Variants in ZMYND11 observed in about 807,000 individuals in gnomAD.
The protein encoded by ZMYND11 is zinc finger MYND domain-containing protein 11.
In ZMYND11, 9 loss-of-function variants were observed where a neutral mutation model predicts 84.9. The observed-to-expected ratio is 0.11, with a 90% confidence interval of 0.06 to 0.18. ZMYND11 has a LOEUF of 0.18. Among genes scored for constraint, ZMYND11 ranks in the 10% least tolerant of loss-of-function variants. The probability of loss-of-function intolerance (pLI) is 1.00; values close to 1 mark genes in which losing one functional copy is unlikely to be tolerated. For synonymous variants in ZMYND11, 250 were observed against 244.1 expected, an observed-to-expected ratio of 1.02 and a Z score of -0.23; for missense variants, 409 against 761.0, an observed-to-expected ratio of 0.54 and a Z score of 5.44.
At chr10:202,266 G>T (rs1054040186) in intron 2 of ZMYND11, among the ~76,000 whole-genome samples, 1 of 151,958 alleles carries the variant, frequency 6.6e-6, no homozygotes, top group Non-Finnish European at 1.5e-5. Context: ...GTTCTGGCTC[G>T]GTTCTAACCT....
intron 4 of ZMYND11, among the ~76,000 whole-genome samples, chr10:232,431 C>G (rs1232265724): frequency 6.6e-6 from 1 of 152,206 alleles, no homozygotes; most frequent in African/African-American, 2.4e-5. Flanking sequence ...GTGAAAGCAT[C>G]TTACAGCAAA....
chr10:146,056 A>C (rs1838750345), intron 1 of ZMYND11, among the ~76,000 whole-genome samples: 1 of 152,096 alleles, frequency 6.6e-6, no homozygotes, highest in Non-Finnish European at 1.5e-5. Context: ...TGATTTTTGT[A>C]TAAGGTGGGA....
chr10:235,986 A>G (rs557128312), intron 4 of ZMYND11, among the ~76,000 whole-genome samples: 13 of 152,326 alleles, frequency 8.5e-5, no homozygotes, highest in South Asian at 2.1e-4. Context: ...GTGACTTCCT[A>G]TGCTTACAGT....
At chr10:160,988 G>A (rs1235505621) in intron 1 of ZMYND11, among the ~76,000 whole-genome samples, 2 of 132,276 alleles carry the variant, frequency 1.5e-5, no homozygotes, top group South Asian at 4.5e-4. Flanking sequence ...TTGAGACAGG[G>A]TCGTGCTCTG....
At chr10:210,101 CATT>C (rs1944925060) in intron 3 of ZMYND11, 53 bp downstream of exon 3, 2 of 1,576,182 alleles carry the variant, frequency 1.3e-6, no homozygotes, top group Admixed American at 3.5e-5. Flanking sequence ...AGCTTTTAAA[CATT>C]ATTTAGATAC....
At chr10:239,674 A>T (rs992925020) in intron 7 of ZMYND11, 149 bp downstream of exon 7, 8 of 674,258 alleles carry the variant, frequency 1.2e-5, no homozygotes, top group Non-Finnish European at 1.5e-5. Flanking sequence ...ATATCTGGTG[A>T]TATAGATTAT....
intron 2 of ZMYND11, among the ~76,000 whole-genome samples, chr10:181,694 T>C (rs1478133477): frequency 6.6e-6 from 1 of 152,140 alleles, no homozygotes; most frequent in Non-Finnish European, 1.5e-5. Flanking sequence ...TGAGGATATA[T>C]GTGGCTCCAA....
intron 2 of ZMYND11, among the ~76,000 whole-genome samples, chr10:191,859 GTTA>G (rs1264257567): frequency 6.6e-6 from 1 of 152,104 alleles, no homozygotes; most frequent in Non-Finnish European, 1.5e-5. Flanking sequence ...GCCACCGTAA[GTTA>G]TTATCTGTAG....
intron 1 of ZMYND11, among the ~76,000 whole-genome samples, chr10:145,248 A>G (rs559332592): frequency 1.7e-4 from 26 of 150,298 alleles, no homozygotes; most frequent in Middle Eastern, 3.6e-3. Flanking sequence ...GTGTGTATGT[A>G]TATATATATA....
Position 135,759 on chromosome 10 carries a change from G to A in ZMYND11, c.-20+200G>A, listed in dbSNP as rs1835841972. ...GATGGCGGGGCGGGCCGGGCCGGCG[G>A]GGCCTGCGAGGGCGGCGGCGGGGCC... On this transcript the variant is annotated intron_variant, in intron 1 of 14. Transcript: ENST00000381604. The surrounding 1 kb of genome is among the most constrained non-coding windows in gnomAD (Gnocchi z 5.6). 6.8e-6 allele frequency among the ~76,000 whole-genome samples: 1 copy of A among 147,876 alleles called. No homozygotes were observed. The highest frequency in any genetic ancestry group is 6.7e-5 in the Admixed American group (1 of 14,824).
chr10:216,213 C>T (rs1263024578), intron 3 of ZMYND11, among the ~76,000 whole-genome samples: 3 of 152,164 alleles, frequency 2.0e-5, no homozygotes, highest in African/African-American at 7.2e-5. Context: ...GCAGGGGCGC[C>T]CTTGCGTTGT....
intron 4 of ZMYND11, among the ~76,000 whole-genome samples, chr10:236,124 G>A (rs544176481): frequency 1.2e-3 from 190 of 152,320 alleles, no homozygotes; most frequent in African/African-American, 4.2e-3. Context: ...TGATGTTCGC[G>A]TGCCTGGAGT....
chr10:164,557 G>T (rs1843581165), intron 1 of ZMYND11, among the ~76,000 whole-genome samples: 1 of 152,164 alleles, frequency 6.6e-6, no homozygotes, highest in African/African-American at 2.4e-5. Flanking sequence ...GAAAAAGAAA[G>T]CATAGCAAAT....
intron 2 of ZMYND11, among the ~76,000 whole-genome samples, chr10:183,447 T>C (rs1848299869): frequency 6.6e-6 from 1 of 152,124 alleles, no homozygotes; most frequent in South Asian, 2.1e-4. Flanking sequence ...TGATGTCAGT[T>C]GTTTCTCATT....
intron 4 of ZMYND11, among the ~76,000 whole-genome samples, chr10:236,008 G>GAATT (rs1332875829): frequency 6.6e-6 from 1 of 152,192 alleles, no homozygotes. Flanking sequence ...CTTTCAGGAA[G>GAATT]AATTATACCA....
intron 1 of ZMYND11, among the ~76,000 whole-genome samples, chr10:157,142 T>C (rs1841896212): frequency 6.6e-6 from 1 of 152,250 alleles, no homozygotes; most frequent in Non-Finnish European, 1.5e-5. Context: ...TGTTAAATTG[T>C]AGCATAAAAG....
intron 1 of ZMYND11, among the ~76,000 whole-genome samples, chr10:154,541 G>A (rs1336301224): frequency 6.6e-6 from 1 of 152,188 alleles, no homozygotes; most frequent in Non-Finnish European, 1.5e-5. Context: ...GAATGACTCA[G>A]TTTTCAGCTG....
intron 1 of ZMYND11, among the ~76,000 whole-genome samples, chr10:167,261 T>A (rs1844221501): frequency 6.6e-6 from 1 of 152,142 alleles, no homozygotes; most frequent in Middle Eastern, 3.2e-3. Context: ...TATATTTCGC[T>A]ACAGTTTTAA....
At position 240,101 on chromosome 10, in the gene ZMYND11, CAT is replaced by C. The variant is rs772620276; in HGVS notation, c.744_745del (p.Cys249SerfsTer2). 3 of 1,610,648 alleles carry C rather than the reference CAT, an allele frequency of 1.9e-6. No homozygotes were observed. The highest frequency in any genetic ancestry group is 1.3e-5 in the African/African-American group (1 of 74,960). On this transcript the variant is annotated frameshift_variant, in exon 8 of 15. Coordinates refer to ENST00000381604, the MANE Select transcript of ZMYND11 (RefSeq NM_001370100.5). LOFTEE classifies it high-confidence loss of function. ...ATTGCGAGGATGCTATATAAAGACA[CAT>C]GTCATGAGGTACTATTCATTGCCCA...
Sources: gnomAD v4.1 joint callset for allele counts (sites outside exome capture counted in the v4.1 genomes callset) on GRCh38, gnomAD v4.1.1 for gene constraint, Gnocchi (gnomAD v3.1) non-coding constraint, MANE v1.5 for transcripts, NCBI Gene and HGNC (gene_info 2026-07-23, HGNC 2026-07-21) for gene names.